Variants in GCGR observed in about 807,000 individuals in gnomAD.
GCGR encodes the protein glucagon receptor.
A neutral mutation model predicts 56.1 loss-of-function variants in GCGR; 41 were observed. The ratio of observed to expected loss-of-function variants is 0.73; its 90% confidence interval spans 0.57 to 0.95. The LOEUF is 0.95. Ranked by LOEUF, GCGR falls within the 40% of genes least tolerant of loss-of-function variation. The pLI is 0.00. For synonymous variants in GCGR, 278 were observed against 271.1 expected, an observed-to-expected ratio of 1.03 and a Z score of -0.25; for missense variants, 595 against 638.2, an observed-to-expected ratio of 0.93 and a Z score of 0.73.
rs537559824 is a variant in GCGR at position 81,804,449 on chromosome 17, T to C, written c.-178+200T>C. ...CCCCGGCTCGGACACCACCCGGTCC[T>C]GCACCGTCGGGCAGGTCCAGGGGTC... On this transcript the variant is annotated intron_variant, in intron 1 of 13. Coordinates refer to ENST00000400723, the MANE Select transcript of GCGR (RefSeq NM_000160.5). This position sits in a 1 kb window ranked among gnomAD's most constrained non-coding sequence, Gnocchi z 8.2. Among the ~76,000 whole-genome samples, 1 of 151,562 alleles carries C rather than the reference T, an allele frequency of 6.6e-6. No individual in the cohort carries two copies. The highest frequency in any genetic ancestry group is 2.1e-4 in the South Asian group (1 of 4,792).
Position 81,813,695 on chromosome 17 carries a change from G to C in GCGR, c.*6G>C. 1 of 1,533,780 alleles carries C rather than the reference G, an allele frequency of 6.5e-7. No homozygotes were observed. The highest frequency in any genetic ancestry group is 1.2e-5 in the South Asian group (1 of 83,986). ...TGGCTGAGAGCCCCTTCTGAACCCTGCTGGGACCCCAGCTAGGGCTGGACT... is the reference window on the plus strand; with the variant it reads ...TGGCTGAGAGCCCCTTCTGAACCCTCCTGGGACCCCAGCTAGGGCTGGACT... On this transcript the variant is annotated 3_prime_UTR_variant, in exon 14 of 14. Transcript: ENST00000400723. This position sits in a 1 kb window ranked among gnomAD's most constrained non-coding sequence, Gnocchi z 5.3.
At position 81,811,345 on chromosome 17, in the gene GCGR, G is replaced by T. The variant is rs564038695; in HGVS notation, c.500+17G>T. 1 of 1,534,438 alleles carries T rather than the reference G, an allele frequency of 6.5e-7. No homozygotes were observed. The highest frequency in any genetic ancestry group is 2.0e-5 in the Admixed American group (1 of 50,968). ...GGGCCTCAGGTAGGATTCCGCCAGC[G>T]CCCGGGGCGGCCGCAGAGGACAGGG... On this transcript the variant is annotated intron_variant, in intron 6 of 13. Coordinates refer to ENST00000400723, the MANE Select transcript of GCGR (RefSeq NM_000160.5). This position sits in a 1 kb window ranked among gnomAD's most constrained non-coding sequence, Gnocchi z 5.8.
rs750295992 is a variant in GCGR, at chr17:81,812,234, C to G, written c.930C>G (p.Pro310=). 6.5e-7 allele frequency: 1 copy of G among 1,535,826 alleles called. No homozygotes were observed. The highest frequency in any genetic ancestry group is 1.2e-5 in the South Asian group (1 of 84,028). The change falls in exon 10 of 14, where the codon CCC becomes CCG. Residue 310 remains proline (P), a synonymous_variant. Transcript: ENST00000400723. The surrounding 1 kb of genome is among the most constrained non-coding windows in gnomAD (Gnocchi z 8.5). ...GCTTCTGGTGGATCCTGCGGTTCCC[C>G]GTCTTCCTGGCCATCCTGGTGAGGA... The part of the protein sequence containing the change: ...NMGFWWILRF[P]VFLAILINFF...
At position 81,811,606 on chromosome 17, in the gene GCGR, C is replaced by T. The variant is rs1323497199; in HGVS notation, c.658-45C>T. ...CCAGGCAGGTGGGTGGGTGGGCAGC[C>T]AGGCAGGTGGCCACGTAGCCGCGCT... On this transcript the variant is annotated intron_variant, in intron 7 of 13. Transcript: ENST00000400723. The surrounding 1 kb of genome is among the most constrained non-coding windows in gnomAD (Gnocchi z 5.8). 1 of 1,535,966 alleles carries T rather than the reference C, an allele frequency of 6.5e-7. No individual in the cohort carries two copies. The highest frequency in any genetic ancestry group is 8.7e-7 in the Non-Finnish European group (1 of 1,146,774).
Position 81,810,467 on chromosome 17 carries a change from GC to G in GCGR, c.164-353del. On this transcript the variant is annotated intron_variant, in intron 3 of 13. Coordinates refer to ENST00000400723, the MANE Select transcript of GCGR (RefSeq NM_000160.5). This position sits in a 1 kb window ranked among gnomAD's most constrained non-coding sequence, Gnocchi z 4.6. ...AGGATGAAAATGGCATTGGGGTTCA[GC>G]CCCCAGAGAGGGAGGTGCTGAGAGA... 1 of 398,908 alleles carries G rather than the reference GC, an allele frequency of 2.5e-6. No individual in the cohort carries two copies. The highest frequency in any genetic ancestry group is 4.7e-6 in the Non-Finnish European group (1 of 213,338). The allele number at this position is 398,908 out of a possible 1,614,324, so 24.7% of individuals were successfully genotyped here.
In GCGR at chr17:81,809,726, T is replaced by TCTGTCTGC. The variant is rs1555709454; in HGVS notation, c.61-52_61-45dup. On this transcript the variant is annotated intron_variant, in intron 2 of 13. Transcript: ENST00000400723. The stretch of plus-strand genomic sequence containing the variant: ...GCCTGTCTGCCTGTCTGTCTGCCTG[T>TCTGTCTGC]CTGTCTGCCTGCCTGTCTGTCTGTC... The TCTGTCTGC allele has an allele frequency of 1.1e-5, 14 of 1,300,464 alleles. No homozygotes were observed. The African/African-American group carries it at 1.9e-4, about 18-fold the overall frequency. 80.6% of individuals were successfully genotyped at this position (1,300,464 alleles called of 1,614,324 possible).
Position 81,810,089 on chromosome 17 carries a change from A to G in GCGR, c.163+205A>G. The G allele has an allele frequency of 3.1e-6, 2 of 636,734 alleles. No homozygotes were observed. Among genetic ancestry groups the G allele is most frequent in the South Asian group, 3.4e-5 (2 of 59,202 alleles). The allele number at this position is 636,734 out of a possible 1,614,324, so 39.4% of individuals were successfully genotyped here. On this transcript the variant is annotated intron_variant, in intron 3 of 13. Coordinates refer to ENST00000400723, the MANE Select transcript of GCGR (RefSeq NM_000160.5). This position sits in a 1 kb window ranked among gnomAD's most constrained non-coding sequence, Gnocchi z 4.6. ...GCTGGGGACTTGCCTCAGGCCGCAG[A>G]GCCAGGAAATAACAGAACGGTGGCA... is the stretch of plus-strand genomic sequence containing the variant.
In GCGR at chr17:81,810,786, G is replaced by C. The variant is rs1341071866; in HGVS notation, c.164-39G>C. On this transcript the variant is annotated intron_variant, in intron 3 of 13. Transcript: ENST00000400723. This position sits in a 1 kb window ranked among gnomAD's most constrained non-coding sequence, Gnocchi z 4.6. ...CTGAGGGAGCCCCTTCTCCCACCCTGCCCTGCCCTGCTCTGCCCTGCCCTA... is the reference window on the plus strand; with the variant it reads ...CTGAGGGAGCCCCTTCTCCCACCCTCCCCTGCCCTGCTCTGCCCTGCCCTA... 1.3e-6 allele frequency: 2 copies of C among 1,486,006 alleles called. No individual in the cohort carries two copies. Among genetic ancestry groups the C allele is most frequent in the Non-Finnish European group, 1.8e-6 (2 of 1,101,080 alleles). The allele number at this position is 1,486,006 out of a possible 1,614,324, so 92.1% of individuals were successfully genotyped here.
rs751811869 is a variant in GCGR, at chr17:81,810,035, G to T, written c.163+151G>T. On this transcript the variant is annotated intron_variant, in intron 3 of 13. Coordinates refer to ENST00000400723, the MANE Select transcript of GCGR (RefSeq NM_000160.5). This position sits in a 1 kb window ranked among gnomAD's most constrained non-coding sequence, Gnocchi z 4.6. ...CTCAGGCCCCCACCACCGTGGGCAGGTGAGGTAACGAGGTAACTGAGCCAC... is the reference window on the plus strand; with the variant it reads ...CTCAGGCCCCCACCACCGTGGGCAGTTGAGGTAACGAGGTAACTGAGCCAC... 55 of 705,256 alleles carry T rather than the reference G, an allele frequency of 7.8e-5. No homozygotes were observed. Among genetic ancestry groups the T allele is most frequent in the Non-Finnish European group, 1.3e-4 (49 of 391,052 alleles). 43.7% of individuals were successfully genotyped at this position (705,256 alleles called of 1,614,324 possible).
At position 81,809,750 on chromosome 17, in the gene GCGR, T is replaced by TCTGCCTGC. The variant is rs754349214; in HGVS notation, c.61-29_61-28insCCTGCCTG. 4 of 1,300,332 alleles carry TCTGCCTGC rather than the reference T, an allele frequency of 3.1e-6. No individual in the cohort carries two copies. The Admixed American group carries it at 9.3e-5, about 30-fold the overall frequency. The allele number at this position is 1,300,332 out of a possible 1,614,324, so 80.5% of individuals were successfully genotyped here. A position where few individuals can be genotyped will look rare whatever the true frequency, so the allele number is the denominator to read the frequency against. ...GTCTGTCTGCCTGCCTGTCTGTCTG[T>TCTGCCTGC]CTGTCTGGTTGCTTGTGCATGTGTC... On this transcript the variant is annotated intron_variant, in intron 2 of 13. Coordinates refer to ENST00000400723, the MANE Select transcript of GCGR (RefSeq NM_000160.5).
chr17:81,804,877 C>T lies in GCGR; in HGVS notation c.-178+628C>T, dbSNP rs926883174. 5.3e-5 allele frequency among the ~76,000 whole-genome samples: 8 copies of T among 152,288 alleles called. No homozygotes were observed. Among genetic ancestry groups the T allele is most frequent in the Non-Finnish European group, 7.4e-5 (5 of 68,010 alleles). On this transcript the variant is annotated intron_variant, in intron 1 of 13. Coordinates refer to ENST00000400723, the MANE Select transcript of GCGR (RefSeq NM_000160.5). This position sits in a 1 kb window ranked among gnomAD's most constrained non-coding sequence, Gnocchi z 8.2. ...CGACTCGGCCACCGGGCTTATGCTC[C>T]GACTCTGAACCGACTGACCCCGGCC...
At position 81,808,936 on chromosome 17, in the gene GCGR, G is replaced by C. The variant is rs2038016623; in HGVS notation, c.-83G>C. 18 of 1,495,164 alleles carry C rather than the reference G, an allele frequency of 1.2e-5. No homozygotes were observed. Among genetic ancestry groups the C allele is most frequent in the Non-Finnish European group, 1.5e-5 (17 of 1,111,040 alleles). 92.6% of individuals were successfully genotyped at this position (1,495,164 alleles called of 1,614,324 possible). The stretch of plus-strand genomic sequence containing the variant: ...GCTCTGCCACTCAGCTGCCCTCGGA[G>C]GAGCGTACACACCCACCAGGACTGC... On this transcript the variant is annotated 5_prime_UTR_variant, in exon 2 of 14. Coordinates refer to ENST00000400723, the MANE Select transcript of GCGR (RefSeq NM_000160.5).
rs764179389 is a variant in GCGR, at chr17:81,813,436, C to G, written c.1219-38C>G. The G allele has an allele frequency of 3.3e-6, 5 of 1,518,066 alleles. No homozygotes were observed. The highest frequency in any genetic ancestry group is 3.5e-6 in the Non-Finnish European group (4 of 1,133,502). The allele number at this position is 1,518,066 out of a possible 1,614,324, so 94.0% of individuals were successfully genotyped here. A position where few individuals can be genotyped will look rare whatever the true frequency, so the allele number is the denominator to read the frequency against. On this transcript the variant is annotated intron_variant, in intron 13 of 13. Coordinates refer to ENST00000400723, the MANE Select transcript of GCGR (RefSeq NM_000160.5). The surrounding 1 kb of genome is among the most constrained non-coding windows in gnomAD (Gnocchi z 5.3). ...GTCCCGGTGGGGTGGAGAGGACAGG[C>G]AGGCCCTAGGACTGGCCTGCCCCGT...
Position 81,812,068 on chromosome 17 carries a change from T to C in GCGR, c.879-115T>C. ...CCTGGGGAGGGGGTCATTTGTGACC[T>C]TCTCCCTTCCTTTTCTGAGACCCGA... On this transcript the variant is annotated intron_variant, in intron 9 of 13. Coordinates refer to ENST00000400723, the MANE Select transcript of GCGR (RefSeq NM_000160.5). The surrounding 1 kb of genome is among the most constrained non-coding windows in gnomAD (Gnocchi z 8.5). 6.6e-7 allele frequency: 1 copy of C among 1,503,872 alleles called. No homozygotes were observed. The highest frequency in any genetic ancestry group is 8.9e-7 in the Non-Finnish European group (1 of 1,118,488). 93.2% of individuals were successfully genotyped at this position (1,503,872 alleles called of 1,614,324 possible). A position where few individuals can be genotyped will look rare whatever the true frequency, so the allele number is the denominator to read the frequency against.
In GCGR at chr17:81,813,178, C is replaced by T. The variant is rs1375477316; in HGVS notation, c.1218+121C>T. 1 of 1,416,480 alleles carries T rather than the reference C, an allele frequency of 7.1e-7. No individual in the cohort carries two copies. Among genetic ancestry groups the T allele is most frequent in the African/African-American group, 1.4e-5 (1 of 70,732 alleles). 87.7% of individuals were successfully genotyped at this position (1,416,480 alleles called of 1,614,324 possible). On this transcript the variant is annotated intron_variant, in intron 13 of 13. Coordinates refer to ENST00000400723, the MANE Select transcript of GCGR (RefSeq NM_000160.5). The surrounding 1 kb of genome is among the most constrained non-coding windows in gnomAD (Gnocchi z 5.3). ...GGGTTGGAACACGTGGGGCCCAAGC[C>T]TTTCCCTCCCCCTGCTCTTATTGGG...
chr17:81,809,847 G>A lies in GCGR; in HGVS notation c.126G>A (p.Gln42=), dbSNP rs959556496. The change falls in exon 3 of 14, where the codon CAG becomes CAA. Residue 42 remains glutamine (Q), a synonymous_variant. Transcript: ENST00000400723. ...AGAAGTGGAAGCTCTACGGTGACCA[G>A]TGTCACCACAACCTGAGCCTGCTGC... ...LFEKWKLYGD[Q]CHHNLSLLPP... is the part of the protein sequence containing the mutation. 5.9e-6 allele frequency: 9 copies of A among 1,536,598 alleles called. No homozygotes were observed. The highest frequency in any genetic ancestry group is 7.8e-6 in the Non-Finnish European group (9 of 1,146,878).
chr17:81,808,777 C>T (rs2038013429), intron 1 of GCGR, 65 bp from the exon 2 acceptor site: 5 of 577,864 alleles, frequency 8.7e-6, no homozygotes, highest in Non-Finnish European at 1.5e-5. Context: ...CCTCGGCCTC[C>T]CAAAGTTCTG....
intron 2 of GCGR, 40 bp from the exon 3 acceptor site, chr17:81,809,742 T>G: frequency 8.0e-7 from 1 of 1,250,186 alleles, no homozygotes; most frequent in Non-Finnish European, 1.1e-6. Flanking sequence ...TGCCTGCCTG[T>G]CTGTCTGTCT....
In GCGR at chr17:81,813,169, G is replaced by A; in HGVS notation, c.1218+112G>A. On this transcript the variant is annotated intron_variant, in intron 13 of 13. Coordinates refer to ENST00000400723, the MANE Select transcript of GCGR (RefSeq NM_000160.5). The surrounding 1 kb of genome is among the most constrained non-coding windows in gnomAD (Gnocchi z 5.3). ...CCTGCCCGGGGGTTGGAACACGTGG[G>A]GCCCAAGCCTTTCCCTCCCCCTGCT... 1 of 1,461,324 alleles carries A rather than the reference G, an allele frequency of 6.8e-7. No homozygotes were observed. Among genetic ancestry groups the A allele is most frequent in the Non-Finnish European group, 9.3e-7 (1 of 1,080,990 alleles). 90.5% of individuals were successfully genotyped at this position (1,461,324 alleles called of 1,614,324 possible).
Sources: gnomAD v4.1 joint callset for allele counts (sites outside exome capture counted in the v4.1 genomes callset) on GRCh38, gnomAD v4.1.1 for gene constraint, Gnocchi (gnomAD v3.1) non-coding constraint, MANE v1.5 for transcripts, NCBI Gene and HGNC (gene_info 2026-07-23, HGNC 2026-07-21) for gene names.